LRRIQ1: variants seen among roughly 807,000 people sequenced by gnomAD.
LRRIQ1 encodes leucine-rich repeat- and IQ domain-containing protein 1.
LRRIQ1 carries 210 observed loss-of-function variants against 211.9 expected under a neutral mutation model. The ratio of observed to expected loss-of-function variants is 0.99; its 90% CI spans 0.89 to 1.11. The LOEUF is 1.11. Among genes scored for constraint, LRRIQ1 ranks in the 50% most tolerant of loss-of-function variants. The probability of loss-of-function intolerance (pLI) is 0.00; values close to 1 mark genes in which losing one functional copy is unlikely to be tolerated. For missense variants in LRRIQ1, 2,136 were observed against 1,939.5 expected (o/e 1.10, Z -1.90); for synonymous variants, 699 against 650.1 (o/e 1.08, Z -1.14).
chr12:85,246,683 A>G (rs1895728809), downstream of LRRIQ1, among the ~76,000 whole-genome samples: 1 of 151,498 alleles, frequency 6.6e-6, no homozygotes, highest in Admixed American at 6.6e-5. Flanking sequence ...TTCTCACTGT[A>G]ATTCCAACTA....
At chr12:85,064,612 G>T (rs1036954586) in intron 8 of LRRIQ1, among the ~76,000 whole-genome samples, 2 of 151,672 alleles carry the variant, frequency 1.3e-5, no homozygotes, top group African/African-American at 2.4e-5. Context: ...GTGTCCTGGA[G>T]AGTTTCCCCA....
chr12:85,206,194 T>A (rs1893536691), intron 24 of LRRIQ1, among the ~76,000 whole-genome samples: 1 of 152,164 alleles, frequency 6.6e-6, no homozygotes, highest in Admixed American at 6.5e-5. Flanking sequence ...GTGTTAGTAA[T>A]GGCAGTGCTG....
chr12:85,228,792 T>C (rs541319451), intron 24 of LRRIQ1, among the ~76,000 whole-genome samples: 32 of 152,288 alleles, frequency 2.1e-4, no homozygotes, highest in Admixed American at 5.9e-4. Flanking sequence ...TGTACAAACA[T>C]CTATAACAAA....
rs1878761611 is a variant in LRRIQ1, at chr12:85,040,618, T to A, written c.244+17T>A. 3.5e-6 allele frequency: 5 copies of A among 1,448,104 alleles called. No individual in the cohort carries two copies. Among genetic ancestry groups the A allele is most frequent in the Non-Finnish European group, 4.8e-6 (5 of 1,041,428 alleles). 89.7% of individuals were successfully genotyped at this position (1,448,104 alleles called of 1,614,324 possible). On this transcript the variant is annotated intron_variant, in intron 3 of 26. Coordinates refer to ENST00000393217, the MANE Select transcript of LRRIQ1 (RefSeq NM_001079910.2). ...ATATTTTAAGTAAGTACTATTTTCA[T>A]CTGTCTGGCAGATAAGCTTTCTGTA... is the stretch of plus-strand genomic sequence containing the variant.
chr12:85,205,466 C>T (rs1359018297), intron 24 of LRRIQ1, among the ~76,000 whole-genome samples: 1 of 152,194 alleles, frequency 6.6e-6, no homozygotes, highest in African/African-American at 2.4e-5. Context: ...CCTGAAAGGT[C>T]TGCTGTTAGC....
intron 11 of LRRIQ1, among the ~76,000 whole-genome samples, 164 bp from the exon 12 acceptor site, chr12:85,098,191 A>G (rs559067357): frequency 6.6e-6 from 1 of 152,264 alleles, no homozygotes; most frequent in East Asian, 1.9e-4. Flanking sequence ...ATAATAACAC[A>G]GTTTACAAGA....
intron 18 of LRRIQ1, among the ~76,000 whole-genome samples, chr12:85,136,469 T>C (rs1385195099): frequency 6.6e-6 from 1 of 151,886 alleles, no homozygotes; most frequent in African/African-American, 2.4e-5. Context: ...CTCTGGTTGT[T>C]CCTGAGTTAG....
At chr12:85,213,273 TA>T (rs1294567825) in intron 24 of LRRIQ1, among the ~76,000 whole-genome samples, 2 of 151,848 alleles carry the variant, frequency 1.3e-5, no homozygotes, top group Non-Finnish European at 2.9e-5. Flanking sequence ...TTCAAAATGA[TA>T]AAAAGTTCCA....
At position 85,238,238 on chromosome 12, in the gene LRRIQ1, TA is replaced by T. The variant is rs75847042; in HGVS notation, c.5016+5490del. 2.2e-4 allele frequency among the ~76,000 whole-genome samples: 34 copies of T among 151,386 alleles called. No homozygotes were observed. In the East Asian group the frequency reaches 5.4e-3, roughly 24 times the overall value. On this transcript the variant is annotated intron_variant, in intron 26 of 26. Coordinates refer to ENST00000393217, the MANE Select transcript of LRRIQ1 (RefSeq NM_001079910.2). The stretch of plus-strand genomic sequence containing the variant: ...TGGGGCAGAGAGAGAAAAAATAACT[TA>T]AAAAAAATCAAAGCTTGAGTGCTCT...
At chr12:85,199,452 G>T (rs184993446) in intron 24 of LRRIQ1, among the ~76,000 whole-genome samples, 45 of 152,054 alleles carry the variant, frequency 3.0e-4, no homozygotes, top group African/African-American at 1.0e-3. Context: ...TCTCTATTTG[G>T]CCCCATTGGT....
Position 85,113,907 on chromosome 12 carries a change from TTGTGTGTGTGTGTGTG to T in LRRIQ1, c.3377+7317_3377+7332del, listed in dbSNP as rs71076112. Among the ~76,000 whole-genome samples the T allele has an allele frequency of 4.3e-5, 6 of 140,960 alleles. No homozygotes were observed. The South Asian group carries it at 9.1e-4, about 21-fold the overall frequency. 92.5% of individuals were successfully genotyped at this position (140,960 alleles called of 152,430 possible). A position where few individuals can be genotyped will look rare whatever the true frequency, so the allele number is the denominator to read the frequency against. ...GAAATTTCAATTATTCAAATGAGTT[TTGTGTGTGTGTGTGTG>T]TGTGTGTGTGTGTGTGTGTGTGTGA... is the stretch of plus-strand genomic sequence containing the variant. On this transcript the variant is annotated intron_variant, in intron 15 of 26. Coordinates refer to ENST00000393217, the MANE Select transcript of LRRIQ1 (RefSeq NM_001079910.2).
intron 2 of LRRIQ1, among the ~76,000 whole-genome samples, 189 bp from the exon 3 acceptor site, chr12:85,040,301 A>G (rs1411787119): frequency 6.6e-6 from 1 of 151,588 alleles, no homozygotes; most frequent in African/African-American, 2.4e-5. Context: ...AGAAATGCAC[A>G]ACCACCTGAA....
chr12:85,207,929 T>G (rs1187176997), intron 24 of LRRIQ1, among the ~76,000 whole-genome samples: 1 of 152,172 alleles, frequency 6.6e-6, no homozygotes, highest in Non-Finnish European at 1.5e-5. Flanking sequence ...CTTTTTGTTT[T>G]GTTTCAACAC....
rs71445024 is a variant in LRRIQ1 at position 85,147,709 on chromosome 12, A to AT, written c.4330-4557dup. 7.4e-3 allele frequency among the ~76,000 whole-genome samples: 1,077 copies of AT among 145,866 alleles called. 12 individuals are homozygous for AT. Among genetic ancestry groups the AT allele is most frequent in the African/African-American group, 0.019 (755 of 40,038 alleles). On this transcript the variant is annotated intron_variant, in intron 19 of 26. Transcript: ENST00000393217. Reference sequence around the variant, plus strand: ...GTATTCCCTGAGATAGATAGCTGCTATTTTTTTTTTTTTTCATGAGAAACC... The same window carrying AT: ...GTATTCCCTGAGATAGATAGCTGCTATTTTTTTTTTTTTTTCATGAGAAACC...
chr12:85,192,427 T>TA (rs1892573504), intron 24 of LRRIQ1, among the ~76,000 whole-genome samples: 1 of 132,816 alleles, frequency 7.5e-6, no homozygotes, highest in Non-Finnish European at 1.6e-5. Flanking sequence ...TACATTTATA[T>TA]ATATTTATAT....
chr12:85,091,034 A>G (rs977402325), intron 11 of LRRIQ1, among the ~76,000 whole-genome samples: 1 of 152,006 alleles, frequency 6.6e-6, no homozygotes, highest in Non-Finnish European at 1.5e-5. Context: ...TTCTCATGAG[A>G]TCTGGTGGTT....
chr12:85,038,424 TATATAA>T, intron 2 of LRRIQ1, 116 bp downstream of exon 2: 1 of 547,082 alleles, frequency 1.8e-6, no homozygotes. Flanking sequence ...ATAAACAATT[TATATAA>T]ATATAAATTA....
chr12:85,095,566 T>G (rs1051161184), intron 11 of LRRIQ1, among the ~76,000 whole-genome samples: 12 of 152,032 alleles, frequency 7.9e-5, no homozygotes, highest in African/African-American at 1.9e-4. Context: ...GGATATTGAC[T>G]TGTAGTTTCC....
At chr12:85,261,915 C>A (rs917250447) in intron 1 of LRRIQ1, among the ~76,000 whole-genome samples, 1 of 151,926 alleles carries the variant, frequency 6.6e-6, no homozygotes, top group African/African-American at 2.4e-5. Context: ...CTCAGCCTTC[C>A]GAGTAGCTGG....
Sources: gnomAD v4.1 joint callset for allele counts (sites outside exome capture counted in the v4.1 genomes callset) on GRCh38, gnomAD v4.1.1 for gene constraint, MANE v1.5 for transcripts, NCBI Gene and HGNC (gene_info 2026-07-23, HGNC 2026-07-21) for gene names.